CREM: variants seen among roughly 807,000 people sequenced by gnomAD.
CREM encodes cAMP responsive element modulator.
In CREM, 13 loss-of-function variants were observed where a neutral mutation model predicts 37.3. The ratio of observed to expected loss-of-function variants is 0.35; its 90% CI spans 0.23 to 0.55. CREM has a LOEUF of 0.55. Ranked by LOEUF, CREM falls within the 20% of genes least tolerant of loss-of-function variation. The pLI, the probability that CREM is intolerant of heterozygous loss-of-function variation, is 0.88. For missense variants in CREM, 296 were observed against 362.3 expected (o/e 0.82, Z 1.49); for synonymous variants, 124 against 120.2 (o/e 1.03, Z -0.21).
At chr10:35,134,061 T>TG (rs1415846228) in intron 1 of CREM, among the ~76,000 whole-genome samples, 1 of 151,976 alleles carries the variant, frequency 6.6e-6, no homozygotes, top group Non-Finnish European at 1.5e-5. Context: ...TTTTGTTTTT[T>TG]TTTTTTTTTC....
In CREM at chr10:35,211,703, G is replaced by A. The variant is rs775664089; in HGVS notation, c.*305G>A. The A allele has an allele frequency of 1.9e-6, 3 of 1,613,900 alleles. No individual in the cohort carries two copies. Among genetic ancestry groups the A allele is most frequent in the African/African-American group, 1.3e-5 (1 of 74,898 alleles). On this transcript the variant is annotated 3_prime_UTR_variant, in exon 8 of 8. Coordinates refer to ENST00000685392, the MANE Select transcript of CREM (RefSeq NM_183011.2). Reference sequence around the variant, plus strand: ...CGTCGAAAGAAAGAATATGTAAAATGTCTGGAGAGCCGAGTTGCAGTGCTG... The same window carrying A: ...CGTCGAAAGAAAGAATATGTAAAATATCTGGAGAGCCGAGTTGCAGTGCTG...
chr10:35,128,526 C>CTTTT (rs35809404), intron 1 of CREM, among the ~76,000 whole-genome samples: 1 of 128,982 alleles, frequency 7.8e-6, no homozygotes, highest in African/African-American at 2.9e-5. Flanking sequence ...TTTTCCTAGT[C>CTTTT]TTTTTTTTTT....
chr10:35,127,514 AGC>A (rs2088089489), intron 1 of CREM: 1 of 152,294 alleles, frequency 6.6e-6, no homozygotes, highest in Non-Finnish European at 1.5e-5. Context: ...TCCCTGAGAG[AGC>A]CGTGCGGCTC....
At position 35,137,863 on chromosome 10, in the gene CREM, A is replaced by G. The variant is rs958231995; in HGVS notation, c.28A>G (p.Ile10Val). Residue 10 changes from isoleucine to valine, a missense_variant, in exon 2 of 8, where the codon ATT becomes GTT. Ile to Val is a conservative substitution (Grantham distance 29). Coordinates refer to ENST00000685392, the MANE Select transcript of CREM (RefSeq NM_183011.2). ...GAGCAAATGTGCAAGGAAAAAATAT[A>G]TTAAGACAAATCCAAGGTAGGTAGA... MSKCARKKY[I>V]KTNPRQMTME... The G allele has an allele frequency of 1.9e-5, 31 of 1,590,562 alleles. No individual in the cohort carries two copies. The Middle Eastern group carries it at 5.0e-4, about 26-fold the overall frequency.
intron 6 of CREM, among the ~76,000 whole-genome samples, chr10:35,206,280 GTA>G (rs1328804939): frequency 1.3e-5 from 2 of 151,268 alleles, no homozygotes; most frequent in East Asian, 3.9e-4. Context: ...GTATAAATAT[GTA>G]TATATATACA....
At chr10:35,187,176 TTAATATATAA>T in intron 5 of CREM, among the ~76,000 whole-genome samples, 1 of 45,080 alleles carries the variant, frequency 2.2e-5, no homozygotes, top group Non-Finnish European at 4.5e-5. Flanking sequence ...TATATTAATA[TTAATATATAA>T]ATATATTAAT....
chr10:35,203,717 T>G (rs1002208200), intron 6 of CREM, among the ~76,000 whole-genome samples: 3 of 150,690 alleles, frequency 2.0e-5, no homozygotes, highest in Admixed American at 6.6e-5. Flanking sequence ...AGTAAAAAGT[T>G]TTTTTTTTTG....
intron 3 of CREM, among the ~76,000 whole-genome samples, chr10:35,161,552 T>G (rs751713897): frequency 2.0e-5 from 3 of 151,786 alleles, no homozygotes; most frequent in Middle Eastern, 3.4e-3. Flanking sequence ...TAATCCCAGT[T>G]ACTCAGAGGC....
intron 5 of CREM, among the ~76,000 whole-genome samples, chr10:35,181,053 C>T (rs2094331340): frequency 6.6e-6 from 1 of 152,230 alleles, no homozygotes; most frequent in African/African-American, 2.4e-5. Context: ...CTACTTAGGA[C>T]TTCTGATAGA....
chr10:35,150,025 A>T (rs1466673409), intron 3 of CREM, among the ~76,000 whole-genome samples: 1 of 152,114 alleles, frequency 6.6e-6, no homozygotes, highest in Non-Finnish European at 1.5e-5. Flanking sequence ...TAACATCCAG[A>T]GATTTAATCA....
intron 5 of CREM, among the ~76,000 whole-genome samples, chr10:35,187,139 A>T (rs756402598): frequency 1.4e-5 from 1 of 73,724 alleles, no homozygotes; most frequent in Non-Finnish European, 2.4e-5. Flanking sequence ...TTAATATATT[A>T]ATATATAATA....
At chr10:35,148,247 A>T in intron 2 of CREM, 121 bp from the exon 3 acceptor site, 2 of 990,418 alleles carry the variant, frequency 2.0e-6, no homozygotes, top group Non-Finnish European at 3.0e-6. Context: ...GTAAATGCTC[A>T]GAAAGTTTCA....
intron 3 of CREM, among the ~76,000 whole-genome samples, chr10:35,153,729 G>A (rs1475901746): frequency 1.3e-5 from 2 of 152,174 alleles, no homozygotes; most frequent in Non-Finnish European, 2.9e-5. Flanking sequence ...TACTTCTCAA[G>A]GTTTCAGCAA....
At chr10:35,174,458 T>TAAG (rs1446576660) in intron 3 of CREM, among the ~76,000 whole-genome samples, 2 of 152,250 alleles carry the variant, frequency 1.3e-5, no homozygotes, top group Non-Finnish European at 2.9e-5. Flanking sequence ...CCAGAGAAGT[T>TAAG]AGTTTTCCAA....
intron 5 of CREM, among the ~76,000 whole-genome samples, chr10:35,181,258 T>TTA: frequency 6.6e-6 from 1 of 152,338 alleles, no homozygotes; most frequent in South Asian, 2.1e-4. Context: ...ATCTCAGGTT[T>TTA]TAGTCTTTGA....
chr10:35,179,218 T>C lies in CREM; in HGVS notation c.351T>C (p.Pro117=). The stretch of plus-strand genomic sequence containing the variant: ...GATCAGAGGAAGAAGGAACACCACC[T>C]AGTATTGCTACCATGGCAGTACCAA... The part of the protein sequence containing the change: ...EERSEEEGTP[P]SIATMAVPTS... The change falls in exon 5 of 8, where the codon CCT becomes CCC. Residue 117 remains proline (P), a synonymous_variant. Coordinates refer to ENST00000685392, the MANE Select transcript of CREM (RefSeq NM_183011.2). The C allele has an allele frequency of 6.2e-7, 1 of 1,614,080 alleles. No individual in the cohort carries two copies. Among genetic ancestry groups the C allele is most frequent in the Non-Finnish European group, 8.5e-7 (1 of 1,179,926 alleles).
intron 1 of CREM, among the ~76,000 whole-genome samples, chr10:35,132,029 C>T (rs536012146): frequency 4.5e-4 from 69 of 152,022 alleles, no homozygotes; most frequent in Non-Finnish European, 8.7e-4. Flanking sequence ...GGTGAAACCC[C>T]GTCTCTACTA....
intron 3 of CREM, 51 bp downstream of exon 3, chr10:35,148,542 T>C: frequency 6.4e-7 from 1 of 1,567,576 alleles, no homozygotes; most frequent in Non-Finnish European, 8.7e-7. Flanking sequence ...GAAATGAGAA[T>C]TAGGTGCAGA....
chr10:35,198,055 C>CT (rs1255187494), intron 6 of CREM, among the ~76,000 whole-genome samples: 2 of 152,084 alleles, frequency 1.3e-5, no homozygotes, highest in African/African-American at 2.4e-5. Context: ...CTTTTCTGTC[C>CT]TTTTTTTAAA....
Sources: gnomAD v4.1 joint callset for allele counts (sites outside exome capture counted in the v4.1 genomes callset) on GRCh38, gnomAD v4.1.1 for gene constraint, MANE v1.5 for transcripts, NCBI Gene and HGNC (gene_info 2026-07-23, HGNC 2026-07-21) for gene names.